The following PHKB variants were observed in gnomAD, a reference collection of about 807,000 sequenced individuals.
The protein encoded by PHKB is phosphorylase kinase regulatory subunit beta, also known as phosphorylase b kinase regulatory subunit beta.
Under a neutral mutation model 152.1 loss-of-function variants are expected in PHKB, and 122 were observed. The ratio of observed to expected loss-of-function variants is 0.80; its 90% CI spans 0.69 to 0.93. PHKB has a LOEUF of 0.93. Among genes scored for constraint, PHKB ranks in the 40% least tolerant of loss-of-function variants. The probability of loss-of-function intolerance (pLI) is 0.00; values close to 1 mark genes in which losing one functional copy is unlikely to be tolerated. For missense variants in PHKB, 1,304 were observed against 1,328.4 expected (o/e 0.98, Z 0.29); for synonymous variants, 436 against 464.9 (o/e 0.94, Z 0.80).
intron 16 of PHKB, among the ~76,000 whole-genome samples, chr16:47,643,930 A>G (rs759062576): frequency 2.6e-5 from 4 of 152,012 alleles, no homozygotes; most frequent in Non-Finnish European, 4.4e-5. Context: ...TGCTCTATGT[A>G]TTTCCGGGTA....
intron 7 of PHKB, among the ~76,000 whole-genome samples, chr16:47,573,811 C>T (rs752384669): frequency 7.9e-5 from 12 of 152,268 alleles, no homozygotes; most frequent in Non-Finnish European, 1.5e-4. Context: ...TTCTTCCAAC[C>T]TGTGACCACT....
rs190246769 is a variant in PHKB at position 47,545,519 on chromosome 16, G to C, written c.595-1914G>C. 9.9e-4 allele frequency among the ~76,000 whole-genome samples: 151 copies of C among 152,258 alleles called. 3 individuals are homozygous for C. The highest frequency in any genetic ancestry group is 3.5e-4 in the Non-Finnish European group (24 of 68,012). On this transcript the variant is annotated intron_variant, in intron 6 of 30. Transcript: ENST00000323584. ...AACCCGACCTTTCTCTCTGGCTGCTGTTAATATTTTTTCCTTCATTTCAAC... is the reference window on the plus strand; with the variant it reads ...AACCCGACCTTTCTCTCTGGCTGCTCTTAATATTTTTTCCTTCATTTCAAC...
At position 47,518,813 on chromosome 16, in the gene PHKB, G is replaced by C. The variant is rs568957203; in HGVS notation, c.594+3212G>C. ...TTTACCTAAGTCAATCCTTTTGATA[G>C]AGATAACTTATTTACATCTGTTGGA... On this transcript the variant is annotated intron_variant, in intron 6 of 30. Coordinates refer to ENST00000323584, the MANE Select transcript of PHKB (RefSeq NM_000293.3). 2.4e-4 allele frequency among the ~76,000 whole-genome samples: 36 copies of C among 152,280 alleles called. 2 individuals carry two copies. The South Asian group carries it at 7.3e-3, about 31-fold the overall frequency.
intron 8 of PHKB, among the ~76,000 whole-genome samples, chr16:47,581,584 AACTC>A (rs759405470): frequency 3.3e-5 from 5 of 152,242 alleles, no homozygotes; most frequent in Non-Finnish European, 7.3e-5. Context: ...AATAGGACCT[AACTC>A]AGGAGGTTTT....
At chr16:47,683,565 G>T (rs138237307) in intron 26 of PHKB, among the ~76,000 whole-genome samples, 1,976 of 152,342 alleles carry the variant, frequency 0.013, 21 homozygotes, top group Non-Finnish European at 0.022. Context: ...CTCCGAGCCA[G>T]GTGTGGGATA....
rs1974217000 is a variant in PHKB at position 47,699,786 on chromosome 16, TTC to T, written c.*424_*425del. The T allele has an allele frequency of 8.1e-6, 2 of 248,092 alleles. No individual in the cohort carries two copies. The highest frequency in any genetic ancestry group is 1.1e-4 in the South Asian group (2 of 18,998). The allele number at this position is 248,092 out of a possible 1,614,324, so 15.4% of individuals were successfully genotyped here. A position where few individuals can be genotyped will look rare whatever the true frequency, so the allele number is the denominator to read the frequency against. On this transcript the variant is annotated 3_prime_UTR_variant, in exon 31 of 31. Coordinates refer to ENST00000323584, the MANE Select transcript of PHKB (RefSeq NM_000293.3). ...AAAAGATACTGAAAGAATGGTGAAC[TTC>T]TCTTAGTGGTATTGTCATGCTAAAA...
At chr16:47,647,994 C>A (rs1973164941) in intron 16 of PHKB, among the ~76,000 whole-genome samples, 1 of 152,050 alleles carries the variant, frequency 6.6e-6, no homozygotes, top group South Asian at 2.1e-4. Flanking sequence ...ACTATATATA[C>A]CCCTTTCAGC....
chr16:47,469,450 C>G (rs1038949672), intron 1 of PHKB, among the ~76,000 whole-genome samples: 2 of 152,148 alleles, frequency 1.3e-5, no homozygotes, highest in African/African-American at 4.8e-5. Context: ...TCCTTTGCAG[C>G]AACATGAATA....
At position 47,580,303 on chromosome 16, in the gene PHKB, G is replaced by A. The variant is rs777073939; in HGVS notation, c.719G>A (p.Gly240Asp). 3 of 1,612,458 alleles carry A rather than the reference G, an allele frequency of 1.9e-6. No individual in the cohort carries two copies. Among genetic ancestry groups the A allele is most frequent in the South Asian group, 2.2e-5 (2 of 91,006 alleles). ...GSTELHSSSV[G>D]LAKAALEAIN... The stretch of plus-strand genomic sequence containing the variant: ...TTCCTTTTCTCTTTTAGCTCGGTTG[G>A]TTTAGCAAAAGCAGCTCTAGAAGCA... Residue 240 changes from glycine (G) to aspartate (D), a missense_variant, in exon 8 of 31, where the codon GGT (glycine) becomes GAT (aspartate). Physicochemically the swap from Gly to Asp is moderately conservative, Grantham distance 94. Coordinates refer to ENST00000323584, the MANE Select transcript of PHKB (RefSeq NM_000293.3).
At chr16:47,566,478 C>T in intron 7 of PHKB, 1 of 1,608,522 alleles carries the variant, frequency 6.2e-7, no homozygotes, top group South Asian at 1.1e-5. Context: ...TTCAGCATAA[C>T]CAAAACCTTT....
At chr16:47,641,141 G>C (rs1973013574) in intron 15 of PHKB, 51 bp downstream of exon 15, 1 of 1,321,704 alleles carries the variant, frequency 7.6e-7, no homozygotes, top group East Asian at 2.3e-5. Flanking sequence ...GGGAGGGGAG[G>C]GGAAATGATT....
In PHKB at chr16:47,490,436, C is replaced by G. The variant is rs547296322; in HGVS notation, c.77-6963C>G. ...ACTTAGACATTAAATTTTAGAAATT[C>G]CATACAGTTTTGGAGCAAATATTAG... On this transcript the variant is annotated intron_variant, in intron 1 of 30. Coordinates refer to ENST00000323584, the MANE Select transcript of PHKB (RefSeq NM_000293.3). Among the ~76,000 whole-genome samples the G allele has an allele frequency of 1.4e-3, 220 of 152,158 alleles. 1 individual carries two copies. Among genetic ancestry groups the G allele is most frequent in the Middle Eastern group, 3.4e-3 (1 of 292 alleles).
intron 10 of PHKB, among the ~76,000 whole-genome samples, chr16:47,593,041 A>G (rs1053592329): frequency 2.1e-5 from 3 of 143,310 alleles, no homozygotes; most frequent in African/African-American, 7.5e-5. Flanking sequence ...TCTTGAGGCC[A>G]GGGGTTTGAG....
At position 47,580,358 on chromosome 16, in the gene PHKB, G is replaced by A. The variant is rs766258395; in HGVS notation, c.774G>A (p.Gln258=). 11 of 1,607,490 alleles carry A rather than the reference G, an allele frequency of 6.8e-6. No homozygotes were observed. The highest frequency in any genetic ancestry group is 7.7e-6 in the Non-Finnish European group (9 of 1,174,432). ...AINGFNLFGN[Q]GCSWSVIFVD... ...ATGGATTCAACCTTTTTGGCAACCA[G>A]GTAAAAAATAAGACCCCCAGAATCT... Residue 258 remains glutamine, a splice_region_variant and synonymous_variant, in exon 8 of 31, where the codon CAG becomes CAA. Transcript: ENST00000323584.
intron 16 of PHKB, among the ~76,000 whole-genome samples, chr16:47,646,694 C>G (rs556186504): frequency 2.6e-5 from 4 of 151,478 alleles, no homozygotes; most frequent in Non-Finnish European, 5.9e-5. Context: ...TATTTTGACC[C>G]AAGAAGGTGG....
intron 14 of PHKB, among the ~76,000 whole-genome samples, chr16:47,619,914 T>C (rs1215630568): frequency 6.6e-6 from 1 of 152,200 alleles, no homozygotes; most frequent in Non-Finnish European, 1.5e-5. Context: ...TTATAGTAAC[T>C]AGGGGTTGGG....
At chr16:47,518,726 GTTTGC>G (rs1422402019) in intron 6 of PHKB, among the ~76,000 whole-genome samples, 2 of 152,080 alleles carry the variant, frequency 1.3e-5, no homozygotes, top group East Asian at 3.9e-4. Context: ...TTGTACTGCT[GTTTGC>G]TTTCTTCATC....
chr16:47,540,969 A>T (rs1476464531), intron 6 of PHKB, among the ~76,000 whole-genome samples: 1 of 151,892 alleles, frequency 6.6e-6, no homozygotes, highest in East Asian at 1.9e-4. Flanking sequence ...CTGGGATTAC[A>T]GGCATACATC....
In PHKB at chr16:47,499,787, A is replaced by C. The variant is rs777020760; in HGVS notation, c.198A>C (p.Pro66=). 6 of 1,614,184 alleles carry C rather than the reference A, an allele frequency of 3.7e-6. No individual in the cohort carries two copies. The Admixed American group carries it at 1.0e-4, about 27-fold the overall frequency. Residue 66 remains proline, a synonymous_variant, in exon 3 of 31, where the codon CCA becomes CCC. Transcript: ENST00000323584. The part of the protein sequence containing the change: ...VKSTLLLYQS[P]TTGLFPTKTC... Reference sequence around the variant, plus strand: ...CAACATTGCTGCTGTATCAAAGTCCAACTACCGGTCTCTTTCCCACTAAAA... The same window carrying C: ...CAACATTGCTGCTGTATCAAAGTCCCACTACCGGTCTCTTTCCCACTAAAA...
Sources: gnomAD v4.1 joint callset for allele counts (sites outside exome capture counted in the v4.1 genomes callset) on GRCh38, gnomAD v4.1.1 for gene constraint, MANE v1.5 for transcripts, NCBI Gene and HGNC (gene_info 2026-07-23, HGNC 2026-07-21) for gene names.